SFMBT2: variants seen among roughly 807,000 people sequenced by gnomAD.
SFMBT2 encodes scm-like with four MBT domains protein 2.
A neutral mutation model predicts 110.1 loss-of-function variants in SFMBT2; 38 were observed. The ratio of observed to expected loss-of-function variants is 0.35; its 90% CI spans 0.27 to 0.45. The LOEUF (loss-of-function observed/expected upper bound fraction) is 0.45, where lower values mean the gene tolerates loss of function less well. Ranked by LOEUF, SFMBT2 falls within the 20% of genes least tolerant of loss-of-function variation. The pLI is 1.00. For missense variants in SFMBT2, 1,011 were observed against 1,094.9 expected (o/e 0.92, Z 1.08); for synonymous variants, 425 against 425.4 (o/e 1.00, Z 0.01).
intron 17 of SFMBT2, among the ~76,000 whole-genome samples, chr10:7,174,855 G>C (rs1838001393): frequency 6.6e-6 from 1 of 152,242 alleles, no homozygotes; most frequent in African/African-American, 2.4e-5. Flanking sequence ...CCCTACCTGA[G>C]AGGCCCTGTG....
intron 14 of SFMBT2, among the ~76,000 whole-genome samples, chr10:7,199,140 G>A (rs770928809): frequency 2.6e-5 from 4 of 151,784 alleles, no homozygotes; most frequent in Admixed American, 1.3e-4. Flanking sequence ...CACCATGCCC[G>A]GCTAATTTTT....
intron 1 of SFMBT2, among the ~76,000 whole-genome samples, chr10:7,390,898 G>A (rs1845744475): frequency 6.6e-6 from 1 of 152,174 alleles, no homozygotes; most frequent in African/African-American, 2.4e-5. Flanking sequence ...TCAGGAGTTC[G>A]AGACTAGCCT....
intron 16 of SFMBT2, among the ~76,000 whole-genome samples, chr10:7,182,094 C>A (rs1191453885): frequency 2.0e-5 from 3 of 152,110 alleles, no homozygotes; most frequent in African/African-American, 7.2e-5. Context: ...CTGGAGTGCA[C>A]TGGCACCATC....
intron 16 of SFMBT2, chr10:7,176,517 T>C (rs555105843): frequency 2.0e-6 from 2 of 985,326 alleles, no homozygotes; most frequent in South Asian, 9.4e-5. Context: ...CGAATGGGTA[T>C]TTTCCTGTTG....
In SFMBT2 at chr10:7,253,998, C is replaced by T. The variant is rs572178348; in HGVS notation, c.871-5349G>A. 8.5e-5 allele frequency among the ~76,000 whole-genome samples: 13 copies of T among 152,232 alleles called. No homozygotes were observed. The South Asian group carries it at 1.2e-3, about 15-fold the overall frequency. On this transcript the variant is annotated intron_variant, in intron 7 of 20. Coordinates refer to ENST00000397167, the MANE Select transcript of SFMBT2 (RefSeq NM_001387889.1). ...TATTGATGAATGACGATTTCAGAAA[C>T]GTTTTACTGCAAGAGCGTGACAATA...
intron 10 of SFMBT2, among the ~76,000 whole-genome samples, chr10:7,225,373 C>A (rs1290464281): frequency 6.6e-6 from 1 of 152,210 alleles, no homozygotes; most frequent in Non-Finnish European, 1.5e-5. Context: ...CACTAGCTCT[C>A]CTCTAATACA....
rs1432361624 is a variant in SFMBT2 at position 7,227,874 on chromosome 10, G to A, written c.1184C>T (p.Pro395Leu). 1 of 1,609,416 alleles carries A rather than the reference G, an allele frequency of 6.2e-7. No individual in the cohort carries two copies. The highest frequency in any genetic ancestry group is 1.7e-5 in the Admixed American group (1 of 58,786). The change falls in exon 10 of 21, where the codon CCT (proline) becomes CTT (leucine). Residue 395 changes from proline to leucine, a missense_variant. Pro to Leu is a moderately conservative substitution (Grantham distance 98). Coordinates refer to ENST00000397167, the MANE Select transcript of SFMBT2 (RefSeq NM_001387889.1). ...TCTTACATTTCGGAAGCAGAAGGGAGGGGCTTCCTGCGCCCCATGCTGCTT... is the reference window on the plus strand; with the variant it reads ...TCTTACATTTCGGAAGCAGAAGGGAAGGGCTTCCTGCGCCCCATGCTGCTT... ...YHKQHGAQEA[P>L]PFCFRNTSFS...
At chr10:7,226,869 G>C (rs141498923) in intron 10 of SFMBT2, among the ~76,000 whole-genome samples, 3 of 152,150 alleles carry the variant, frequency 2.0e-5, no homozygotes, top group Non-Finnish European at 4.4e-5. Flanking sequence ...TCTCAGAGCT[G>C]TATGTAGTAT....
intron 4 of SFMBT2, among the ~76,000 whole-genome samples, chr10:7,316,460 A>C (rs997719916): frequency 6.6e-6 from 1 of 152,172 alleles, no homozygotes; most frequent in Non-Finnish European, 1.5e-5. Context: ...CCAGGCTGGA[A>C]AGCAGCACAA....
rs542136835 is a variant in SFMBT2 at position 7,370,174 on chromosome 10, T to C, written c.195+107A>G. On this transcript the variant is annotated intron_variant, in intron 3 of 20. Coordinates refer to ENST00000397167, the MANE Select transcript of SFMBT2 (RefSeq NM_001387889.1). ...GAGCCACCATGCCTGGCCACGAATT[T>C]CCCTCTTTCCTCTGCCCTTCTTCCA... 18 of 993,608 alleles carry C rather than the reference T, an allele frequency of 1.8e-5. No homozygotes were observed. In the South Asian group the frequency reaches 2.6e-4, roughly 14 times the overall value. 61.5% of individuals were successfully genotyped at this position (993,608 alleles called of 1,614,324 possible). A position where few individuals can be genotyped will look rare whatever the true frequency, so the allele number is the denominator to read the frequency against.
intron 1 of SFMBT2, among the ~76,000 whole-genome samples, chr10:7,405,833 C>A (rs1358208773): frequency 6.4e-5 from 7 of 109,906 alleles, no homozygotes; most frequent in African/African-American, 1.8e-4. Flanking sequence ...CCCCCCCCGA[C>A]CCCCGCTCTC....
chr10:7,245,221 G>T (rs1002337219), intron 8 of SFMBT2, among the ~76,000 whole-genome samples: 2 of 151,818 alleles, frequency 1.3e-5, no homozygotes, highest in Non-Finnish European at 2.9e-5. Flanking sequence ...TTTACTTATT[G>T]ATTCTGTTTA....
intron 7 of SFMBT2, among the ~76,000 whole-genome samples, chr10:7,266,567 A>G: frequency 6.6e-6 from 1 of 152,192 alleles, no homozygotes; most frequent in East Asian, 1.9e-4. Flanking sequence ...TGAAGCCTCC[A>G]GCATCAGGCG....
chr10:7,184,019 G>A (rs1838321804), intron 16 of SFMBT2, among the ~76,000 whole-genome samples: 2 of 152,304 alleles, frequency 1.3e-5, no homozygotes, highest in South Asian at 4.1e-4. Flanking sequence ...AAGGAGTGGA[G>A]GCAAAGTTTT....
At chr10:7,404,013 G>A (rs889950420) in intron 1 of SFMBT2, among the ~76,000 whole-genome samples, 9 of 152,088 alleles carry the variant, frequency 5.9e-5, no homozygotes, top group East Asian at 1.9e-4. Context: ...GGATCCCAAC[G>A]ACCCTGATTT....
At chr10:7,318,490 C>T (rs1222042484) in intron 4 of SFMBT2, among the ~76,000 whole-genome samples, 1 of 152,176 alleles carries the variant, frequency 6.6e-6, no homozygotes, top group Non-Finnish European at 1.5e-5. Flanking sequence ...AGTACTTGGA[C>T]TTGTACCTGG....
intron 7 of SFMBT2, chr10:7,249,124 C>T: frequency 1.1e-6 from 1 of 946,372 alleles, no homozygotes; most frequent in Non-Finnish European, 1.3e-6. Flanking sequence ...AGTAAGCTGG[C>T]ACACAGCTCA....
At chr10:7,294,174 G>GAT (rs1329011049) in intron 4 of SFMBT2, among the ~76,000 whole-genome samples, 5 of 152,088 alleles carry the variant, frequency 3.3e-5, no homozygotes, top group African/African-American at 9.7e-5. Flanking sequence ...CTAATATCAT[G>GAT]GCTGTTTTCT....
At chr10:7,193,534 C>T (rs901673248) in intron 15 of SFMBT2, among the ~76,000 whole-genome samples, 1 of 152,128 alleles carries the variant, frequency 6.6e-6, no homozygotes, top group African/African-American at 2.4e-5. Flanking sequence ...TTTTCAGAGT[C>T]GTTTCTGCCA....
Sources: gnomAD v4.1 joint callset for allele counts (sites outside exome capture counted in the v4.1 genomes callset) on GRCh38, gnomAD v4.1.1 for gene constraint, MANE v1.5 for transcripts, NCBI Gene and HGNC (gene_info 2026-07-23, HGNC 2026-07-21) for gene names.